The following EXD3 variants were observed in gnomAD, a reference collection of about 807,000 sequenced individuals.
The protein encoded by EXD3 is exonuclease mut-7 homolog.
EXD3 carries 92 observed loss-of-function variants against 98.0 expected under a neutral mutation model. That is an observed-to-expected ratio of 0.94 (90% CI 0.79 to 1.12). The LOEUF (loss-of-function observed/expected upper bound fraction) is 1.12, where lower values mean the gene tolerates loss of function less well. Among genes scored for constraint, EXD3 ranks in the 50% most tolerant of loss-of-function variants. EXD3 has a pLI of 0.00. For missense variants in EXD3, 1,222 were observed against 1,191.6 expected, an observed-to-expected ratio of 1.03 and a Z score of -0.38; for synonymous variants, 569 against 526.0, an observed-to-expected ratio of 1.08 and a Z score of -1.12.
chr9:137,371,819 A>T lies in EXD3; in HGVS notation c.462+1086T>A, dbSNP rs1835628552. On this transcript the variant is annotated intron_variant, in intron 5 of 21. Coordinates refer to ENST00000340951, the MANE Select transcript of EXD3 (RefSeq NM_017820.5). The surrounding 1 kb of genome is among the most constrained non-coding windows in gnomAD (Gnocchi z 8.0). ...GCCGCACCTCGTGCTGCACCCTAGA[A>T]TCTGCACTGGGATCTGGAATCTCAG... 2.0e-5 allele frequency among the ~76,000 whole-genome samples: 3 copies of T among 151,826 alleles called. No homozygotes were observed. The highest frequency in any genetic ancestry group is 7.3e-5 in the African/African-American group (3 of 41,364).
intron 17 of EXD3, among the ~76,000 whole-genome samples, chr9:137,330,393 AGCTACACAGGGCT>A (rs1832979139): frequency 9.4e-6 from 1 of 106,086 alleles, no homozygotes; most frequent in African/African-American, 3.5e-5. Context: ...ACTACACAGG[AGCTACACAGGGCT>A]CCACAGGACT....
chr9:137,327,452 G>A (rs1194976301), intron 17 of EXD3, among the ~76,000 whole-genome samples: 3 of 152,120 alleles, frequency 2.0e-5, no homozygotes, highest in Non-Finnish European at 4.4e-5. Flanking sequence ...TCTTTGGGAT[G>A]ATACCCAGTT....
intron 3 of EXD3, among the ~76,000 whole-genome samples, 152 bp from the exon 4 acceptor site, chr9:137,373,751 T>C (rs998633205): frequency 6.6e-5 from 10 of 152,236 alleles, no homozygotes; most frequent in African/African-American, 2.2e-4. Flanking sequence ...TGACTTTTCA[T>C]GCCGCCGTTC....
intron 17 of EXD3, among the ~76,000 whole-genome samples, chr9:137,328,265 A>AAACGACGAACAAACACCCACGTGATGAG: frequency 7.3e-6 from 1 of 137,472 alleles, no homozygotes; most frequent in East Asian, 2.2e-4. Context: ...AAAACAACAA[A>AAACGACGAACAAACACCCACGTGATGAG]TAAACACCCA....
intron 1 of EXD3, among the ~76,000 whole-genome samples, chr9:137,416,871 C>A (rs1838255495): frequency 6.6e-6 from 1 of 152,214 alleles, no homozygotes; most frequent in Non-Finnish European, 1.5e-5. Flanking sequence ...CAGAAGGGAG[C>A]AGGCCCTCCC....
chr9:137,379,544 C>T (rs1004542867), intron 3 of EXD3, among the ~76,000 whole-genome samples: 1 of 151,166 alleles, frequency 6.6e-6, no homozygotes, highest in Admixed American at 6.6e-5. Flanking sequence ...GTGAGGGGTA[C>T]GGGGTTTGCT....
chr9:137,323,953 T>G (rs983723005), intron 18 of EXD3, 97 bp from the exon 19 acceptor site: 1 of 1,528,442 alleles, frequency 6.5e-7, no homozygotes, highest in Non-Finnish European at 8.8e-7. Context: ...GAGCCTTCTC[T>G]CGGCCCACCA....
rs1834007497 is a variant in EXD3 at position 137,347,729 on chromosome 9, C to T, written c.1998+342G>A. Among the ~76,000 whole-genome samples, 1 of 152,212 alleles carries T rather than the reference C, an allele frequency of 6.6e-6. No individual in the cohort carries two copies. Among genetic ancestry groups the T allele is most frequent in the African/African-American group, 2.4e-5 (1 of 41,458 alleles). On this transcript the variant is annotated intron_variant, in intron 17 of 21. Coordinates refer to ENST00000340951, the MANE Select transcript of EXD3 (RefSeq NM_017820.5). This position sits in a 1 kb window ranked among gnomAD's most constrained non-coding sequence, Gnocchi z 4.2. Reference sequence around the variant, plus strand: ...AAGGTGCTGGGATTATAGGCATGAGCCACTGCGTCCGGCCCCATTTCTGCT... The same window carrying T: ...AAGGTGCTGGGATTATAGGCATGAGTCACTGCGTCCGGCCCCATTTCTGCT...
chr9:137,413,919 C>CTTT (rs57038595), intron 1 of EXD3, among the ~76,000 whole-genome samples: 3 of 133,554 alleles, frequency 2.2e-5, no homozygotes, highest in Non-Finnish European at 3.3e-5. Flanking sequence ...TTTTTTTTTT[C>CTTT]TTTTTTTTTT....
intron 19 of EXD3, among the ~76,000 whole-genome samples, chr9:137,310,817 C>T (rs28374197): frequency 0.25 from 37,452 of 152,098 alleles, 5,491 homozygotes; most frequent in Non-Finnish European, 0.33. Context: ...GATGTCAGAG[C>T]ACCCTGGGGA....
intron 17 of EXD3, among the ~76,000 whole-genome samples, chr9:137,331,982 A>G (rs1263920105): frequency 1.3e-5 from 2 of 152,130 alleles, no homozygotes; most frequent in Admixed American, 1.3e-4. Context: ...TATCTGCGCA[A>G]CGACAACACA....
chr9:137,368,242 G>C (rs1369212084), intron 5 of EXD3, among the ~76,000 whole-genome samples: 1 of 152,230 alleles, frequency 6.6e-6, no homozygotes, highest in Non-Finnish European at 1.5e-5. Context: ...GGGCAGCAGG[G>C]ACTCAAGGGG....
At chr9:137,307,791 G>A (rs971667683) in intron 20 of EXD3, 145 bp from the exon 21 acceptor site, 5 of 880,594 alleles carry the variant, frequency 5.7e-6, no homozygotes, top group South Asian at 1.7e-5. Flanking sequence ...CTTCGCAGAC[G>A]GGCAGAGGGC....
rs1041136795 is a variant in EXD3 at position 137,311,507 on chromosome 9, G to T, written c.2185-1807C>A. On this transcript the variant is annotated intron_variant, in intron 19 of 21. Transcript: ENST00000340951. ...CCCAAATACTCCACATGGGGTCCGG[G>T]GCCTTCCCAGGACCTGGGCCAGGTG... Among the ~76,000 whole-genome samples the T allele has an allele frequency of 2.1e-3, 317 of 152,328 alleles. 1 individual carries two copies. Among genetic ancestry groups the T allele is most frequent in the African/African-American group, 7.2e-3 (300 of 41,566 alleles).
At chr9:137,343,669 A>G (rs1833769399) in intron 17 of EXD3, among the ~76,000 whole-genome samples, 2 of 127,454 alleles carry the variant, frequency 1.6e-5, no homozygotes, top group Admixed American at 2.1e-4. Flanking sequence ...GCTCACTGCA[A>G]GCTCTGCCTC....
chr9:137,355,594 GCGGA>G (rs1564508715), intron 8 of EXD3, among the ~76,000 whole-genome samples: 1 of 3,940 alleles, frequency 2.5e-4, no homozygotes, highest in African/African-American at 1.8e-3. Context: ...AGGAGAAAGG[GCGGA>G]AGGAGAAAGG....
intron 19 of EXD3, among the ~76,000 whole-genome samples, chr9:137,321,662 G>A (rs1832037612): frequency 6.6e-6 from 1 of 152,124 alleles, no homozygotes; most frequent in African/African-American, 2.4e-5. Context: ...CAGCCTGGGC[G>A]ATGGAGTGAG....
chr9:137,398,717 GCA>G, intron 1 of EXD3, among the ~76,000 whole-genome samples: 2 of 92,374 alleles, frequency 2.2e-5, no homozygotes, highest in Non-Finnish European at 4.9e-5. Flanking sequence ...ACGTGCACCC[GCA>G]TCCCCAAGAC....
At chr9:137,404,190 C>T (rs1305482507) in intron 1 of EXD3, among the ~76,000 whole-genome samples, 4 of 152,244 alleles carry the variant, frequency 2.6e-5, no homozygotes, top group African/African-American at 7.2e-5. Flanking sequence ...AAGACCCCAT[C>T]TCCAAATACA....
Sources: gnomAD v4.1 joint callset for allele counts (sites outside exome capture counted in the v4.1 genomes callset) on GRCh38, gnomAD v4.1.1 for gene constraint, Gnocchi (gnomAD v3.1) non-coding constraint, MANE v1.5 for transcripts, NCBI Gene and HGNC (gene_info 2026-07-23, HGNC 2026-07-21) for gene names.